The following NSMCE2 variants were observed in gnomAD, a reference collection of about 807,000 sequenced individuals.
NSMCE2 encodes E3 SUMO-protein ligase NSE2.
A neutral mutation model predicts 23.8 loss-of-function variants in NSMCE2; 24 were observed. The observed-to-expected ratio is 1.01, with a 90% CI of 0.73 to 1.42. The LOEUF (loss-of-function observed/expected upper bound fraction) is 1.42. Ranked by LOEUF, NSMCE2 falls within the 40% of genes most tolerant of loss-of-function variation. The pLI, the probability that NSMCE2 is intolerant of heterozygous loss-of-function variation, is 0.00. For missense variants in NSMCE2, 284 were observed against 296.5 expected, an observed-to-expected ratio of 0.96 and a Z score of 0.31; for synonymous variants, 92 against 94.1, an observed-to-expected ratio of 0.98 and a Z score of 0.13.
At position 125,334,901 on chromosome 8, in the gene NSMCE2, G is replaced by A. The variant is rs542618415; in HGVS notation, c.419-22318G>A. On this transcript the variant is annotated intron_variant, in intron 5 of 7. Transcript: ENST00000287437. Reference sequence around the variant, plus strand: ...CTCCTGATAGCTGGGACTACAGGATGTACACCACCACACCCGGCTAATCTT... The same window carrying A: ...CTCCTGATAGCTGGGACTACAGGATATACACCACCACACCCGGCTAATCTT... 8.5e-5 allele frequency among the ~76,000 whole-genome samples: 12 copies of A among 140,824 alleles called. No homozygotes were observed. The South Asian group carries it at 2.6e-3, about 30-fold the overall frequency. 92.4% of individuals were successfully genotyped at this position (140,824 alleles called of 152,430 possible). A position where few individuals can be genotyped will look rare whatever the true frequency, so the allele number is the denominator to read the frequency against.
chr8:125,123,296 C>A (rs1267197099), intron 3 of NSMCE2, among the ~76,000 whole-genome samples: 1 of 152,192 alleles, frequency 6.6e-6, no homozygotes, highest in East Asian at 1.9e-4. Context: ...TAGTTTCCTC[C>A]TTTCCAAAAG....
chr8:125,292,459 CA>C (rs1828148289), intron 5 of NSMCE2, among the ~76,000 whole-genome samples: 1 of 151,790 alleles, frequency 6.6e-6, no homozygotes, highest in African/African-American at 2.4e-5. Context: ...GAGGCTAAGG[CA>C]GGAGAGTCAC....
intron 3 of NSMCE2, among the ~76,000 whole-genome samples, chr8:125,141,236 G>A (rs1024488540): frequency 3.3e-5 from 5 of 152,116 alleles, no homozygotes; most frequent in African/African-American, 9.7e-5. Flanking sequence ...TCACTCTGAG[G>A]TAGAGCAATT....
chr8:125,229,306 T>A (rs546676035), intron 5 of NSMCE2, among the ~76,000 whole-genome samples: 3 of 152,330 alleles, frequency 2.0e-5, no homozygotes, highest in Admixed American at 1.3e-4. Context: ...AGGCAACCTA[T>A]GTTACATTAG....
intron 5 of NSMCE2, among the ~76,000 whole-genome samples, chr8:125,287,908 G>A (rs547920516): frequency 6.6e-6 from 1 of 151,940 alleles, no homozygotes; most frequent in Non-Finnish European, 1.5e-5. Context: ...ACTACTCGAC[G>A]CTCCCAGATA....
At chr8:125,202,741 G>C (rs1823940086) in intron 5 of NSMCE2, among the ~76,000 whole-genome samples, 1 of 152,106 alleles carries the variant, frequency 6.6e-6, no homozygotes, top group Non-Finnish European at 1.5e-5. Flanking sequence ...ATTGTATAAG[G>C]ATAAACATTT....
At chr8:125,309,106 G>A (rs935112043) in intron 5 of NSMCE2, among the ~76,000 whole-genome samples, 1 of 151,992 alleles carries the variant, frequency 6.6e-6, no homozygotes, top group African/African-American at 2.4e-5. Context: ...ATTTAGTTGG[G>A]CATGGTGGCG....
At chr8:125,226,376 G>A (rs1199766965) in intron 5 of NSMCE2, among the ~76,000 whole-genome samples, 4 of 152,220 alleles carry the variant, frequency 2.6e-5, no homozygotes, top group African/African-American at 4.8e-5. Context: ...CGCGTGGGTC[G>A]TTTGTAATTG....
intron 5 of NSMCE2, among the ~76,000 whole-genome samples, chr8:125,330,616 G>A (rs527786343): frequency 3.9e-5 from 6 of 152,200 alleles, no homozygotes; most frequent in African/African-American, 7.2e-5. Flanking sequence ...AAATAAGCTC[G>A]CACCTGGGCA....
In NSMCE2 at chr8:125,338,075, T is replaced by C. The variant is rs77379298; in HGVS notation, c.419-19144T>C. On this transcript the variant is annotated intron_variant, in intron 5 of 7. Coordinates refer to ENST00000287437, the MANE Select transcript of NSMCE2 (RefSeq NM_173685.4). ...TTGATACTAGAGAGACCACCCTCCT[T>C]CTAATTCTCATCCCTTTTCAGGCTG... 6.4e-4 allele frequency among the ~76,000 whole-genome samples: 97 copies of C among 152,130 alleles called. 3 individuals are homozygous for C. In the East Asian group the frequency reaches 0.017, roughly 26 times the overall value.
chr8:125,282,253 A>C (rs1327574825), intron 5 of NSMCE2, among the ~76,000 whole-genome samples: 1 of 152,046 alleles, frequency 6.6e-6, no homozygotes, highest in Non-Finnish European at 1.5e-5. Flanking sequence ...AGCTGGGATT[A>C]CAGGCGCATG....
intron 5 of NSMCE2, among the ~76,000 whole-genome samples, chr8:125,295,940 C>A (rs184104412): frequency 7.2e-5 from 11 of 152,180 alleles, no homozygotes; most frequent in African/African-American, 2.7e-4. Context: ...ACTGCATAAT[C>A]CTGAACCATG....
chr8:125,287,422 G>T (rs1377046804), intron 5 of NSMCE2, among the ~76,000 whole-genome samples: 5 of 152,176 alleles, frequency 3.3e-5, no homozygotes, highest in Non-Finnish European at 5.9e-5. Flanking sequence ...CATGCCTGCT[G>T]CTACTGTTCC....
chr8:125,186,064 T>C (rs755751475), intron 5 of NSMCE2, among the ~76,000 whole-genome samples: 56 of 152,238 alleles, frequency 3.7e-4, no homozygotes, highest in Non-Finnish European at 6.9e-4. Flanking sequence ...TCAGCCTGCC[T>C]CCTGATTTTC....
At chr8:125,361,082 G>A (rs544525702) in intron 7 of NSMCE2, among the ~76,000 whole-genome samples, 8 of 115,326 alleles carry the variant, frequency 6.9e-5, no homozygotes, top group African/African-American at 1.7e-4. Context: ...TTTTTTTTTC[G>A]TTTCTTTTTT....
chr8:125,357,704 G>C lies in NSMCE2; in HGVS notation c.520-8G>C. On this transcript the variant is annotated splice_region_variant and splice_polypyrimidine_tract_variant and intron_variant, in intron 6 of 7. Transcript: ENST00000287437. ...ATTCCTGAAAGCCCAACATCTCCTTGATTACAGGAGGAAATGAAGAAGCCA... is the reference window on the plus strand; with the variant it reads ...ATTCCTGAAAGCCCAACATCTCCTTCATTACAGGAGGAAATGAAGAAGCCA... 1 of 1,596,334 alleles carries C rather than the reference G, an allele frequency of 6.3e-7. No individual in the cohort carries two copies. Among genetic ancestry groups the C allele is most frequent in the Non-Finnish European group, 8.6e-7 (1 of 1,163,710 alleles).
At chr8:125,197,707 G>T (rs1332815889) in intron 5 of NSMCE2, among the ~76,000 whole-genome samples, 1 of 152,156 alleles carries the variant, frequency 6.6e-6, no homozygotes, top group African/African-American at 2.4e-5. Context: ...CTTTAAAGTA[G>T]TTTTTTCCAA....
At chr8:125,223,739 T>C (rs150938258) in intron 5 of NSMCE2, among the ~76,000 whole-genome samples, 1 of 152,272 alleles carries the variant, frequency 6.6e-6, no homozygotes, top group East Asian at 1.9e-4. Flanking sequence ...AGTTGAGCAT[T>C]TTTTCCATAT....
intron 5 of NSMCE2, among the ~76,000 whole-genome samples, chr8:125,230,998 T>C (rs1825298457): frequency 6.6e-6 from 1 of 152,174 alleles, no homozygotes; most frequent in Admixed American, 6.5e-5. Context: ...TTAAACAAAA[T>C]CACAATATAG....
Sources: gnomAD v4.1 joint callset for allele counts (sites outside exome capture counted in the v4.1 genomes callset) on GRCh38, gnomAD v4.1.1 for gene constraint, MANE v1.5 for transcripts, NCBI Gene and HGNC (gene_info 2026-07-23, HGNC 2026-07-21) for gene names.